Variants in KIRREL3 observed in about 807,000 individuals in gnomAD.
KIRREL3 encodes kin of IRRE-like protein 3.
Under a neutral mutation model 89.7 loss-of-function variants are expected in KIRREL3, and 36 were observed. That is an observed-to-expected ratio of 0.40 (90% confidence interval 0.31 to 0.53). KIRREL3 has a LOEUF of 0.53. Ranked by LOEUF, KIRREL3 falls within the 20% of genes least tolerant of loss-of-function variation. The pLI is 0.49. For missense variants in KIRREL3, 864 were observed against 1,056.6 expected (o/e 0.82, Z 2.53); for synonymous variants, 445 against 441.4 (o/e 1.01, Z -0.10).
rs1948542251 is a variant in KIRREL3 at position 126,729,842 on chromosome 11, G to A, written c.56-166930C>T. On this transcript the variant is annotated intron_variant, in intron 1 of 16. Coordinates refer to ENST00000525144, the MANE Select transcript of KIRREL3 (RefSeq NM_032531.4). The surrounding 1 kb of genome is among the most constrained non-coding windows in gnomAD (Gnocchi z 4.5). ...CACACCATGTTTGCTGCTTTTAACT[G>A]TTTCCAAATCCTTCTAGTTCATAGG... Among the ~76,000 whole-genome samples, 1 of 152,148 alleles carries A rather than the reference G, an allele frequency of 6.6e-6. No individual in the cohort carries two copies. The highest frequency in any genetic ancestry group is 1.5e-5 in the Non-Finnish European group (1 of 68,014).
intron 2 of KIRREL3, among the ~76,000 whole-genome samples, chr11:126,547,126 C>T (rs1938869377): frequency 6.6e-6 from 1 of 152,224 alleles, no homozygotes; most frequent in Non-Finnish European, 1.5e-5. Context: ...GTATGATTTA[C>T]TCTTGTTTGA....
intron 1 of KIRREL3, among the ~76,000 whole-genome samples, chr11:126,779,315 T>A (rs1334059193): frequency 6.6e-6 from 1 of 152,174 alleles, no homozygotes; most frequent in African/African-American, 2.4e-5. Flanking sequence ...GCTCTCCCAG[T>A]GGGCCACCCA....
At chr11:126,661,698 T>C (rs1315397511) in intron 1 of KIRREL3, among the ~76,000 whole-genome samples, 1 of 152,216 alleles carries the variant, frequency 6.6e-6, no homozygotes, top group Non-Finnish European at 1.5e-5. Context: ...ATTGGCTGCA[T>C]GTTAGAATCA....
In KIRREL3 at chr11:126,429,216, C is replaced by T. The variant is rs367848509; in HGVS notation, c.1769G>A (p.Arg590Gln). The change falls in exon 15 of 17, where the codon CGG becomes CAG. Residue 590 changes from arginine to glutamine, a missense_variant. Transcript: ENST00000525144. The surrounding 1 kb of genome is among the most constrained non-coding windows in gnomAD (Gnocchi z 5.2). ...GATGGTGGAGTGCTCCTCACCCTCC[C>T]GACCAGAGGCTGGTTCCTTGTGGAC... is the stretch of plus-strand genomic sequence containing the variant. ...EIVHKEPASG[R>Q]EGEEHSTIKQ... 132 of 1,613,714 alleles carry T rather than the reference C, an allele frequency of 8.2e-5. No individual in the cohort carries two copies. Among genetic ancestry groups the T allele is most frequent in the South Asian group, 1.5e-4 (14 of 91,076 alleles).
At chr11:126,548,027 T>C (rs1013434648) in intron 2 of KIRREL3, among the ~76,000 whole-genome samples, 2 of 152,142 alleles carry the variant, frequency 1.3e-5, no homozygotes, top group Non-Finnish European at 2.9e-5. Flanking sequence ...ATGGTGCAAG[T>C]GTGCAAAAGT....
rs75933704 is a variant in KIRREL3 at position 126,582,812 on chromosome 11, T to C, written c.56-19900A>G. 5.9e-3 allele frequency among the ~76,000 whole-genome samples: 905 copies of C among 152,368 alleles called. 17 individuals are homozygous for C. Among genetic ancestry groups the C allele is most frequent in the African/African-American group, 0.021 (857 of 41,584 alleles). On this transcript the variant is annotated intron_variant, in intron 1 of 16. Coordinates refer to ENST00000525144, the MANE Select transcript of KIRREL3 (RefSeq NM_032531.4). ...TTTAAGCCCTTGCAACACTGACGTA[T>C]TGAAGAAGTACTAAAGAAGTATTAT...
At position 126,655,537 on chromosome 11, in the gene KIRREL3, C is replaced by T. The variant is rs1461293493; in HGVS notation, c.56-92625G>A. 1.3e-5 allele frequency among the ~76,000 whole-genome samples: 2 copies of T among 152,326 alleles called. No homozygotes were observed. The highest frequency in any genetic ancestry group is 2.1e-4 in the South Asian group (1 of 4,824). ...CTCTCCCTCCCACCTCAAGTTGTTT[C>T]TCTTCCTGCCCAGGGAAGGCAGCTA... is the stretch of plus-strand genomic sequence containing the variant. On this transcript the variant is annotated intron_variant, in intron 1 of 16. Coordinates refer to ENST00000525144, the MANE Select transcript of KIRREL3 (RefSeq NM_032531.4). This position sits in a 1 kb window ranked among gnomAD's most constrained non-coding sequence, Gnocchi z 5.0.
chr11:126,835,980 C>T (rs531231561), intron 1 of KIRREL3, among the ~76,000 whole-genome samples: 36 of 152,196 alleles, frequency 2.4e-4, no homozygotes, highest in African/African-American at 5.5e-4. Flanking sequence ...CCGTCTTTGA[C>T]GATACTTGGT....
At chr11:126,433,237 G>A (rs1955200841) in intron 13 of KIRREL3, among the ~76,000 whole-genome samples, 1 of 152,230 alleles carries the variant, frequency 6.6e-6, no homozygotes, top group African/African-American at 2.4e-5. Context: ...CCCCTCCCCA[G>A]CCTACCCTGC....
At chr11:126,688,954 T>C (rs966844958) in intron 1 of KIRREL3, among the ~76,000 whole-genome samples, 3 of 149,610 alleles carry the variant, frequency 2.0e-5, no homozygotes, top group Non-Finnish European at 3.0e-5. Context: ...GACAGGAAGA[T>C]TTTTTTTTTC....
chr11:126,725,619 G>A (rs545401722), intron 1 of KIRREL3, among the ~76,000 whole-genome samples: 4 of 152,332 alleles, frequency 2.6e-5, no homozygotes, highest in Admixed American at 2.0e-4. Context: ...GGATGATGGT[G>A]GTAGAGGCCG....
chr11:126,431,686 G>T lies in KIRREL3; in HGVS notation c.1589-160C>A, dbSNP rs1955138636. Among the ~76,000 whole-genome samples the T allele has an allele frequency of 2.0e-5, 3 of 152,336 alleles. No individual in the cohort carries two copies. In the South Asian group the frequency reaches 6.2e-4, roughly 32 times the overall value. On this transcript the variant is annotated intron_variant, in intron 13 of 16. Transcript: ENST00000525144. The surrounding 1 kb of genome is among the most constrained non-coding windows in gnomAD (Gnocchi z 7.1). ...GCAGGCACAGGCCGAGTCCAACTGG[G>T]GTCAGCTCTAGCTGGGACTGCAAAG...
In KIRREL3 at chr11:126,969,360, C is replaced by A. The variant is rs554443886; in HGVS notation, c.55+31095G>T. Among the ~76,000 whole-genome samples, 2 of 152,170 alleles carry A rather than the reference C, an allele frequency of 1.3e-5. No individual in the cohort carries two copies. The highest frequency in any genetic ancestry group is 4.2e-4 in the South Asian group (2 of 4,812). Reference sequence around the variant, plus strand: ...CACTGGGGAAAACGCCTGGGCAATTCCCTGCAGTGTGGCAGGTGTGAAGGT... The same window carrying A: ...CACTGGGGAAAACGCCTGGGCAATTACCTGCAGTGTGGCAGGTGTGAAGGT... On this transcript the variant is annotated intron_variant, in intron 1 of 16. Transcript: ENST00000525144. The surrounding 1 kb of genome is among the most constrained non-coding windows in gnomAD (Gnocchi z 4.9).
intron 1 of KIRREL3, among the ~76,000 whole-genome samples, chr11:126,589,332 A>G (rs996998268): frequency 6.6e-6 from 1 of 152,066 alleles, no homozygotes; most frequent in Non-Finnish European, 1.5e-5. Context: ...TGTGGGGATG[A>G]CTGACTCTTC....
rs1370155599 is a variant in KIRREL3 at position 126,904,192 on chromosome 11, A to G, written c.55+96263T>C. 6.6e-6 allele frequency among the ~76,000 whole-genome samples: 1 copy of G among 152,184 alleles called. No individual in the cohort carries two copies. The highest frequency in any genetic ancestry group is 1.5e-5 in the Non-Finnish European group (1 of 68,024). ...AAGCCTCTTTTTAACACACAGGTAA[A>G]GTTTTCAGGACTATTTTTATCATTT... On this transcript the variant is annotated intron_variant, in intron 1 of 16. Transcript: ENST00000525144. The surrounding 1 kb of genome is among the most constrained non-coding windows in gnomAD (Gnocchi z 4.4).
At chr11:126,625,185 C>T (rs1378317492) in intron 1 of KIRREL3, among the ~76,000 whole-genome samples, 1 of 152,182 alleles carries the variant, frequency 6.6e-6, no homozygotes, top group African/African-American at 2.4e-5. Context: ...TGCACGATTC[C>T]AGTGACTGCT....
intron 4 of KIRREL3, among the ~76,000 whole-genome samples, chr11:126,493,654 CAA>C (rs5795499): frequency 9.7e-5 from 8 of 82,232 alleles, no homozygotes; most frequent in African/African-American, 3.1e-4. Context: ...GACTCTGTCT[CAA>C]AAAAAAAAAA....
chr11:126,639,618 A>T lies in KIRREL3; in HGVS notation c.56-76706T>A, dbSNP rs992525872. 2.6e-5 allele frequency among the ~76,000 whole-genome samples: 4 copies of T among 152,162 alleles called. No homozygotes were observed. The highest frequency in any genetic ancestry group is 7.2e-5 in the African/African-American group (3 of 41,518). On this transcript the variant is annotated intron_variant, in intron 1 of 16. Transcript: ENST00000525144. The surrounding 1 kb of genome is among the most constrained non-coding windows in gnomAD (Gnocchi z 4.3). ...CTGGAGATGAGATCGGCTAATCCTG[A>T]CTCTATTCTTTCGTCTGCTCTGCTA...
chr11:126,799,438 C>CTGTG (rs1950954864), intron 1 of KIRREL3, among the ~76,000 whole-genome samples: 1 of 53,968 alleles, frequency 1.9e-5, no homozygotes, highest in Admixed American at 1.9e-4. Flanking sequence ...ATGTGTGTAT[C>CTGTG]TGTGTGCATG....
Sources: allele counts gnomAD v4.1 joint callset (sites outside exome capture counted in the v4.1 genomes callset), GRCh38; gene constraint gnomAD v4.1.1; non-coding constraint Gnocchi (gnomAD v3.1); transcripts MANE v1.5; gene names NCBI Gene and HGNC (gene_info 2026-07-23, HGNC 2026-07-21).